Variants in TULP4 observed in about 807,000 individuals in gnomAD.
TULP4 encodes the protein tubby-related protein 4.
In TULP4, 16 loss-of-function variants were observed where a neutral mutation model predicts 129.0. That is an observed-to-expected ratio of 0.12 (90% CI 0.08 to 0.19). The LOEUF is 0.19. Ranked by LOEUF, TULP4 falls within the 10% of genes least tolerant of loss-of-function variation. The pLI is 1.00. For synonymous variants in TULP4, 998 were observed against 854.0 expected (o/e 1.17, Z -2.94); for missense variants, 1,842 against 2,059.1 (o/e 0.89, Z 2.04).
chr6:158,354,887 C>CAAA (rs1453196414), intron 1 of TULP4, among the ~76,000 whole-genome samples: 27 of 107,994 alleles, frequency 2.5e-4, no homozygotes, highest in African/African-American at 5.6e-4. Context: ...GACCCCATCT[C>CAAA]AAAAAAAAAA....
chr6:158,276,118 C>T (rs946596015), intron 1 of TULP4, among the ~76,000 whole-genome samples: 9 of 151,884 alleles, frequency 5.9e-5, no homozygotes, highest in South Asian at 2.1e-4. Context: ...TACAGGTGCG[C>T]GCCACCATGC....
At chr6:158,428,160 A>G (rs574894654) in intron 2 of TULP4, 1 of 152,308 alleles carries the variant, frequency 6.6e-6, no homozygotes, top group South Asian at 2.1e-4. Flanking sequence ...GGACTATTAA[A>G]TTGAATAAGT....
At chr6:158,478,347 A>C (rs1779867331) in intron 6 of TULP4, among the ~76,000 whole-genome samples, 1 of 152,224 alleles carries the variant, frequency 6.6e-6, no homozygotes, top group Non-Finnish European at 1.5e-5. Context: ...CGTATCTTTA[A>C]GATCAAGCAT....
At chr6:158,362,342 A>G (rs1482719207) in intron 1 of TULP4, among the ~76,000 whole-genome samples, 1 of 109,660 alleles carries the variant, frequency 9.1e-6, no homozygotes, top group Non-Finnish European at 1.9e-5. Flanking sequence ...ACTAGCCAAC[A>G]TTGAAGGATT....
intron 3 of TULP4, among the ~76,000 whole-genome samples, chr6:158,434,777 G>A (rs1017365768): frequency 6.6e-6 from 1 of 152,174 alleles, no homozygotes; most frequent in South Asian, 2.1e-4. Flanking sequence ...TGCTGAGTGT[G>A]GTCCTCCTAG....
intron 6 of TULP4, among the ~76,000 whole-genome samples, chr6:158,465,857 TAGATTCAGAG>T (rs1779546130): frequency 6.6e-6 from 1 of 152,178 alleles, no homozygotes; most frequent in South Asian, 2.1e-4. Context: ...ACAAGTCAGG[TAGATTCAGAG>T]ATTCTTTAAT....
chr6:158,282,889 C>T (rs1778778723), intron 1 of TULP4: 2 of 151,982 alleles, frequency 1.3e-5, no homozygotes, highest in Non-Finnish European at 2.9e-5. Context: ...CACCTGTAAT[C>T]CCAGTAATTT....
intron 1 of TULP4, among the ~76,000 whole-genome samples, chr6:158,290,814 C>G (rs576071356): frequency 5.3e-5 from 8 of 152,056 alleles, no homozygotes; most frequent in African/African-American, 1.9e-4. Flanking sequence ...TTCTACCTTC[C>G]CCCCCACATT....
chr6:158,455,355 T>C, intron 5 of TULP4, among the ~76,000 whole-genome samples: 1 of 149,106 alleles, frequency 6.7e-6, no homozygotes, highest in Non-Finnish European at 1.5e-5. Context: ...ATTACAGGCG[T>C]GAGCCACCGC....
chr6:158,263,105 A>G (rs576698054), intron 1 of TULP4, among the ~76,000 whole-genome samples: 2 of 152,206 alleles, frequency 1.3e-5, no homozygotes, highest in Non-Finnish European at 2.9e-5. Context: ...GTACTTCAGA[A>G]ACCTGCTGCC....
In TULP4 at chr6:158,493,472, C is replaced by G. The variant is rs867692800; in HGVS notation, c.1632-101C>G. 6.2e-6 allele frequency: 8 copies of G among 1,280,010 alleles called. No homozygotes were observed. The Middle Eastern group carries it at 8.9e-4, about 142-fold the overall frequency. The allele number at this position is 1,280,010 out of a possible 1,614,324, so 79.3% of individuals were successfully genotyped here. ...CTGGCTGCAGGGTGAGAACCCAACA[C>G]CCAGGCTGGCTGTCCAGAAAAAGAA... On this transcript the variant is annotated intron_variant, in intron 9 of 13. Coordinates refer to ENST00000367097, the MANE Select transcript of TULP4 (RefSeq NM_020245.5). The surrounding 1 kb of genome is among the most constrained non-coding windows in gnomAD (Gnocchi z 4.4).
chr6:158,499,321 T>G (rs936136412), intron 12 of TULP4, among the ~76,000 whole-genome samples: 3 of 152,210 alleles, frequency 2.0e-5, no homozygotes, highest in Non-Finnish European at 4.4e-5. Context: ...GAACTACCTC[T>G]CTTCCACCGC....
At chr6:158,449,365 G>A (rs1779119282) in intron 4 of TULP4, among the ~76,000 whole-genome samples, 189 bp downstream of exon 4, 2 of 152,090 alleles carry the variant, frequency 1.3e-5, no homozygotes, top group South Asian at 2.1e-4. Flanking sequence ...CTGTCTCCCC[G>A]CTGTTGTCCC....
chr6:158,308,437 A>G (rs1779256985), upstream of TULP4, among the ~76,000 whole-genome samples: 1 of 151,882 alleles, frequency 6.6e-6, no homozygotes, highest in South Asian at 2.1e-4. Flanking sequence ...CGATTTCTCA[A>G]TCTTTTCCCC....
intron 1 of TULP4, among the ~76,000 whole-genome samples, chr6:158,325,506 C>T (rs748706605): frequency 5.3e-5 from 8 of 152,024 alleles, no homozygotes; most frequent in Non-Finnish European, 8.8e-5. Flanking sequence ...GCACCTATCA[C>T]CACGCCTGGC....
intron 9 of TULP4, among the ~76,000 whole-genome samples, chr6:158,491,618 G>C (rs1488668345): frequency 6.6e-6 from 1 of 151,188 alleles, no homozygotes; most frequent in African/African-American, 2.4e-5. Context: ...TCAGCCTCCC[G>C]AGTAGCTGGG....
At chr6:158,320,817 G>A (rs143141081) in intron 1 of TULP4, among the ~76,000 whole-genome samples, 58 of 152,268 alleles carry the variant, frequency 3.8e-4, no homozygotes, top group Non-Finnish European at 5.7e-4. Flanking sequence ...GACTACTGTA[G>A]CAATGGTCTC....
At chr6:158,361,208 T>G (rs1054240757) in intron 1 of TULP4, among the ~76,000 whole-genome samples, 1 of 152,266 alleles carries the variant, frequency 6.6e-6, no homozygotes, top group Non-Finnish European at 1.5e-5. Context: ...GCTGTCCTTG[T>G]CAGGTTCAGC....
intron 1 of TULP4, among the ~76,000 whole-genome samples, chr6:158,362,452 C>G (rs920149278): frequency 3.3e-5 from 5 of 152,046 alleles, no homozygotes; most frequent in Admixed American, 3.3e-4. Context: ...TGGGCTCAAG[C>G]AATGCTCCCG....
Sources: gnomAD v4.1 joint callset for allele counts (sites outside exome capture counted in the v4.1 genomes callset) on GRCh38, gnomAD v4.1.1 for gene constraint, Gnocchi (gnomAD v3.1) non-coding constraint, MANE v1.5 for transcripts, NCBI Gene and HGNC (gene_info 2026-07-23, HGNC 2026-07-21) for gene names.